Variants in SERPINB5 observed in about 807,000 individuals in gnomAD.
SERPINB5 encodes serpin family B member 5.
A neutral mutation model predicts 32.2 loss-of-function variants in SERPINB5; 27 were observed. The observed-to-expected ratio is 0.84, with a 90% CI of 0.62 to 1.16. SERPINB5 has a LOEUF of 1.16. SERPINB5 is among the 50% of genes most tolerant of loss of function. SERPINB5 has a pLI of 0.00. For missense variants in SERPINB5, 388 were observed against 436.3 expected (o/e 0.89, Z 0.99); for synonymous variants, 154 against 157.4 (o/e 0.98, Z 0.16).
chr18:63,496,113 G>C (rs1461757431), intron 5 of SERPINB5, among the ~76,000 whole-genome samples: 1 of 130,002 alleles, frequency 7.7e-6, no homozygotes, highest in Non-Finnish European at 1.7e-5. Flanking sequence ...TCTTTATTTG[G>C]TCCTCTTTTC....
intron 1 of SERPINB5, chr18:63,477,442 G>C (rs1224412512): frequency 2.6e-5 from 4 of 152,242 alleles, no homozygotes; most frequent in Non-Finnish European, 5.9e-5. Flanking sequence ...CAGAAAGGGT[G>C]TGGTACCCGC....
chr18:63,492,946 G>C lies in SERPINB5; in HGVS notation c.425-7G>C, dbSNP rs2144502887. 1.2e-6 allele frequency: 2 copies of C among 1,604,698 alleles called. No individual in the cohort carries two copies. The highest frequency in any genetic ancestry group is 1.7e-6 in the Non-Finnish European group (2 of 1,174,862). ...CTGCTACTTGTGTTTTCCTAAAATT[G>C]TTGCAGGCCACTTTGAGAACATTTT... On this transcript the variant is annotated splice_region_variant and splice_polypyrimidine_tract_variant and intron_variant, in intron 4 of 6. Coordinates refer to ENST00000382771, the MANE Select transcript of SERPINB5 (RefSeq NM_002639.5).
At chr18:63,497,338 C>T (rs1381651682) in intron 5 of SERPINB5, 2 of 1,304,442 alleles carry the variant, frequency 1.5e-6, no homozygotes, top group Admixed American at 3.4e-5. Flanking sequence ...GGGCTTTGCC[C>T]TGTCTGAGGC....
chr18:63,504,006 G>A lies in SERPINB5; in HGVS notation c.*284G>A, dbSNP rs965145311. 1.7e-5 allele frequency: 6 copies of A among 359,434 alleles called. No individual in the cohort carries two copies. The highest frequency in any genetic ancestry group is 4.7e-5 in the Admixed American group (1 of 21,454). The allele number at this position is 359,434 out of a possible 1,614,324, so 22.3% of individuals were successfully genotyped here. ...TTATTCATTATTTGTCAAATTGTCCGGGGTAGTTGGCAGAAATACAGTCTT... is the reference window on the plus strand; with the variant it reads ...TTATTCATTATTTGTCAAATTGTCCAGGGTAGTTGGCAGAAATACAGTCTT... On this transcript the variant is annotated 3_prime_UTR_variant, in exon 7 of 7. Coordinates refer to ENST00000382771, the MANE Select transcript of SERPINB5 (RefSeq NM_002639.5).
At chr18:63,488,384 C>G (rs552884603) in intron 3 of SERPINB5, among the ~76,000 whole-genome samples, 1 of 152,190 alleles carries the variant, frequency 6.6e-6, no homozygotes, top group Middle Eastern at 3.2e-3. Context: ...CTTAACCAGA[C>G]TAGGAGTTGT....
chr18:63,503,208 T>C, intron 6 of SERPINB5, 122 bp from the exon 7 acceptor site: 1 of 1,132,080 alleles, frequency 8.8e-7, no homozygotes, highest in Non-Finnish European at 1.2e-6. Context: ...GGGCCATCTT[T>C]GATGTTCCAC....
chr18:63,479,719 T>C (rs922784440), intron 1 of SERPINB5, among the ~76,000 whole-genome samples: 3 of 152,160 alleles, frequency 2.0e-5, no homozygotes, highest in Admixed American at 2.0e-4. Context: ...GTTTTCACCT[T>C]TTCTTAATGC....
At position 63,484,541 on chromosome 18, in the gene SERPINB5, C is replaced by G. The variant is rs568118218; in HGVS notation, c.113C>G (p.Ser38Cys). The G allele has an allele frequency of 6.8e-6, 11 of 1,614,162 alleles. No individual in the cohort carries two copies. The highest frequency in any genetic ancestry group is 6.7e-5 in the East Asian group (3 of 44,882). Reference sequence around the variant, plus strand: ...TTCTCTCCAATCTGTCTCTCCACCTCTCTGTCACTTGCTCAAGTGGGTGCT... The same window carrying G: ...TTCTCTCCAATCTGTCTCTCCACCTGTCTGTCACTTGCTCAAGTGGGTGCT... ...VLFSPICLST[S>C]LSLAQVGAKG... The change falls in exon 2 of 7, where the codon TCT becomes TGT. Residue 38 changes from serine (S) to cysteine (C), a missense_variant. Coordinates refer to ENST00000382771, the MANE Select transcript of SERPINB5 (RefSeq NM_002639.5).
rs191436331 is a variant in SERPINB5, at chr18:63,477,941, C to A, written c.-8+896C>A. 7.0e-4 allele frequency among the ~76,000 whole-genome samples: 107 copies of A among 152,286 alleles called. 1 individual carries two copies. The highest frequency in any genetic ancestry group is 2.3e-3 in the African/African-American group (94 of 41,554). ...AGCTTGTAAGTAGCACCGCTGAGAT[C>A]AAATCAGGCCTTCACACTTGCAGCT... On this transcript the variant is annotated intron_variant, in intron 1 of 6. Coordinates refer to ENST00000382771, the MANE Select transcript of SERPINB5 (RefSeq NM_002639.5).
Position 63,489,423 on chromosome 18 carries a change from C to T in SERPINB5, c.383C>T (p.Thr128Met), listed in dbSNP as rs145559318. 9 of 1,612,602 alleles carry T rather than the reference C, an allele frequency of 5.6e-6. No homozygotes were observed. The highest frequency in any genetic ancestry group is 4.5e-5 in the East Asian group (2 of 44,790). The change falls in exon 4 of 7, where the codon ACG (threonine) becomes ATG (methionine). Residue 128 changes from threonine to methionine, a missense_variant. Transcript: ENST00000382771. The part of the protein sequence containing the change: ...TVDFKDKLEE[T>M]KGQINNSIKD... ...GACTTCAAAGATAAATTGGAAGAAACGAAAGGTCAGATCAACAACTCAATT... is the reference window on the plus strand; with the variant it reads ...GACTTCAAAGATAAATTGGAAGAAATGAAAGGTCAGATCAACAACTCAATT...
At chr18:63,481,307 A>G (rs953899612) in intron 1 of SERPINB5, among the ~76,000 whole-genome samples, 4 of 152,236 alleles carry the variant, frequency 2.6e-5, no homozygotes, top group African/African-American at 9.6e-5. Flanking sequence ...TCCACTCCTA[A>G]GATCCATTTG....
At chr18:63,487,185 G>A (rs1917230023) in intron 3 of SERPINB5, 102 bp downstream of exon 3, 1 of 1,146,884 alleles carries the variant, frequency 8.7e-7, no homozygotes, top group African/African-American at 1.6e-5. Flanking sequence ...TCCTTTCTAG[G>A]ATGTTCACTT....
chr18:63,477,917 G>A (rs1187797810), intron 1 of SERPINB5, among the ~76,000 whole-genome samples: 1 of 152,198 alleles, frequency 6.6e-6, no homozygotes, highest in African/African-American at 2.4e-5. Context: ...AAGGCACACA[G>A]CTTGTAAGTA....
chr18:63,491,848 A>G (rs1360297976), intron 4 of SERPINB5, among the ~76,000 whole-genome samples: 3 of 152,244 alleles, frequency 2.0e-5, no homozygotes, highest in African/African-American at 7.2e-5. Context: ...CGGCTCCCAC[A>G]CTTCTTTGTT....
At chr18:63,497,957 A>G (rs1035479266) in intron 5 of SERPINB5, among the ~76,000 whole-genome samples, 1 of 152,138 alleles carries the variant, frequency 6.6e-6, no homozygotes, top group Non-Finnish European at 1.5e-5. Context: ...TTCAATTTAG[A>G]CTTTGTTAAT....
At chr18:63,485,345 C>A (rs1917192894) in intron 2 of SERPINB5, among the ~76,000 whole-genome samples, 1 of 152,118 alleles carries the variant, frequency 6.6e-6, no homozygotes. Context: ...GGTGAATGTT[C>A]TTCTAATTCT....
intron 5 of SERPINB5, among the ~76,000 whole-genome samples, chr18:63,495,541 C>T (rs2144505624): frequency 6.6e-6 from 1 of 152,296 alleles, no homozygotes; most frequent in East Asian, 1.9e-4. Context: ...TCTTCAAGAC[C>T]CCAGAGCCAG....
intron 1 of SERPINB5, among the ~76,000 whole-genome samples, chr18:63,479,864 G>A (rs1350754454): frequency 6.6e-6 from 1 of 152,166 alleles, no homozygotes; most frequent in African/African-American, 2.4e-5. Context: ...AAGAAGTTTT[G>A]TGTCGATTGA....
intron 5 of SERPINB5, among the ~76,000 whole-genome samples, chr18:63,495,884 C>T (rs747016203): frequency 3.9e-5 from 6 of 152,168 alleles, no homozygotes; most frequent in Non-Finnish European, 5.9e-5. Context: ...GCTATTACTT[C>T]TCCTTTGTTT....
Sources: allele counts gnomAD v4.1 joint callset (sites outside exome capture counted in the v4.1 genomes callset), GRCh38; gene constraint gnomAD v4.1.1; transcripts MANE v1.5; gene names NCBI Gene and HGNC (gene_info 2026-07-23, HGNC 2026-07-21).